PCID2: variants seen among roughly 807,000 people sequenced by gnomAD.
PCID2 encodes PCI domain-containing protein 2.
Under a neutral mutation model 61.3 loss-of-function variants are expected in PCID2, and 41 were observed. That is an observed-to-expected ratio of 0.67 (90% CI 0.52 to 0.87). The LOEUF (loss-of-function observed/expected upper bound fraction) is 0.87, where lower values mean the gene tolerates loss of function less well. Ranked by LOEUF, PCID2 falls within the 40% of genes least tolerant of loss-of-function variation. The pLI, the probability that PCID2 is intolerant of heterozygous loss-of-function variation, is 0.00. For missense variants in PCID2, 392 were observed against 493.4 expected (o/e 0.79, Z 1.95); for synonymous variants, 187 against 177.8 (o/e 1.05, Z -0.41).
chr13:113,171,814 A>G, the PCID2 span: 2 of 1,613,536 alleles, frequency 1.2e-6, no homozygotes, highest in Middle Eastern at 3.3e-4. This position sits in a 1 kb window ranked among gnomAD's most constrained non-coding sequence, Gnocchi z 5.1. Context: ...GCGGCTGGGC[A>G]CGCAATGGCA....
In PCID2 at chr13:113,208,624, A is replaced by G. The variant is rs142022899; in HGVS notation, c.11T>C (p.Ile4Thr). The change falls in exon 1 of 14, where the codon ATT becomes ACT. Residue 4 changes from isoleucine to threonine, a missense_variant. Physicochemically the swap from Ile to Thr is moderately conservative, Grantham distance 89. Transcript: ENST00000337344. MAHITINQYLQQVY... is the reference protein window; with the variant it reads MAHTTINQYLQQVY... The stretch of plus-strand genomic sequence containing the variant: ...CTGCTGCAGGTACTGGTTAATGGTA[A>G]TGTGCGCCATGGGAGCGCCGCCGAA... The G allele has an allele frequency of 1.1e-5, 17 of 1,607,148 alleles. No individual in the cohort carries two copies. The African/African-American group carries it at 1.6e-4, about 15-fold the overall frequency.
chr13:113,175,523 T>A (rs1239836889), downstream of PCID2, among the ~76,000 whole-genome samples: 2 of 152,178 alleles, frequency 1.3e-5, no homozygotes, highest in African/African-American at 4.8e-5. Context: ...AAGATCAGAT[T>A]TCCGTACCCA....
At chr13:113,183,181 C>T (rs2037803058) in intron 9 of PCID2, among the ~76,000 whole-genome samples, 1 of 152,170 alleles carries the variant, frequency 6.6e-6, no homozygotes, top group Non-Finnish European at 1.5e-5. Context: ...GAGCATCACA[C>T]TCTCAATGGC....
chr13:113,178,877 C>G lies in PCID2; in HGVS notation c.1110+89G>C, dbSNP rs1033185288. On this transcript the variant is annotated intron_variant, in intron 13 of 13. Coordinates refer to ENST00000337344, the MANE Select transcript of PCID2 (RefSeq NM_001127202.4). ...AAAAAAAAAGCAGAAGGCCTTTTAA[C>G]AATTTTAACACCACCACACTGAAGC... is the stretch of plus-strand genomic sequence containing the variant. 5.1e-6 allele frequency: 7 copies of G among 1,366,942 alleles called. No individual in the cohort carries two copies. The African/African-American group carries it at 7.3e-5, about 14-fold the overall frequency. The allele number at this position is 1,366,942 out of a possible 1,614,324, so 84.7% of individuals were successfully genotyped here. A position where few individuals can be genotyped will look rare whatever the true frequency, so the allele number is the denominator to read the frequency against.
At chr13:113,191,053 C>T in intron 6 of PCID2, 78 bp from the exon 7 acceptor site, 7 of 916,862 alleles carry the variant, frequency 7.6e-6, no homozygotes, top group Non-Finnish European at 1.0e-5. Context: ...ACTGCAGTGG[C>T]ACAATCACAC....
chr13:113,185,368 C>T (rs563679567), intron 8 of PCID2, 117 bp downstream of exon 8: 50 of 737,422 alleles, frequency 6.8e-5, no homozygotes, highest in East Asian at 4.0e-4. Flanking sequence ...ACTAGGAATA[C>T]GGTTATGATC....
downstream of PCID2, among the ~76,000 whole-genome samples, chr13:113,176,691 A>C (rs371269344): frequency 1.5e-4 from 23 of 151,568 alleles, 1 homozygote; most frequent in East Asian, 2.7e-3. Flanking sequence ...TGAGTCTCGG[A>C]GGTCGAGGCT....
downstream of PCID2, among the ~76,000 whole-genome samples, chr13:113,176,486 G>C: frequency 6.6e-6 from 1 of 152,310 alleles, no homozygotes; most frequent in Non-Finnish European, 1.5e-5. Flanking sequence ...AGAGAGCCGG[G>C]TGTGGTGGCA....
the PCID2 span, chr13:113,170,554 T>C: frequency 2.6e-3 from 3,585 of 1,373,822 alleles, 15 homozygotes; most frequent in Middle Eastern, 3.5e-3. Flanking sequence ...CATGAGTTTT[T>C]ATAAAACCAC....
Position 113,198,243 on chromosome 13 carries a change from A to C in PCID2, c.148T>G (p.Cys50Gly). ...TAAGGGGGTTCCAAGACTTGTTGACACTTCTCCTCTGGAGAGGCCATCTGA... is the reference window on the plus strand; with the variant it reads ...TAAGGGGGTTCCAAGACTTGTTGACCCTTCTCCTCTGGAGAGGCCATCTGA... ...RLQMASPEEKCQQVLEPPYDE... is the reference protein window; with the variant it reads ...RLQMASPEEKGQQVLEPPYDE... The change falls in exon 3 of 14, where the codon TGT (cysteine) becomes GGT (glycine). Residue 50 changes from cysteine to glycine, a missense_variant. Physicochemically the swap from Cys to Gly is radical, Grantham distance 159 (BLOSUM62 -3). This residue lies in a region of PCID2 where 155 missense variants were observed against 164.9 expected (regional missense o/e 0.94). Transcript: ENST00000337344. The C allele has an allele frequency of 2.5e-6, 4 of 1,608,876 alleles. No individual in the cohort carries two copies. The highest frequency in any genetic ancestry group is 3.4e-6 in the Non-Finnish European group (4 of 1,177,640).
chr13:113,178,392 C>A, intron 13 of PCID2, 105 bp from the exon 14 acceptor site: 1 of 763,410 alleles, frequency 1.3e-6, no homozygotes, highest in Non-Finnish European at 2.3e-6. Context: ...TCCCCAAGAG[C>A]GGCACAGTTC....
chr13:113,190,967 T>C lies in PCID2; in HGVS notation c.372A>G (p.Gln124=), dbSNP rs2038563372. ...DLRVFANNAD[Q]QLVKKGKSKV... The stretch of plus-strand genomic sequence containing the variant: ...TGCTTTTTCCTTTCTTTACCAACTG[T>C]TGATCTGCCTAATAAAATATAAGAA... The change falls in exon 7 of 14, where the codon CAA becomes CAG. Residue 124 remains glutamine (Q), a synonymous_variant. Transcript: ENST00000337344. 6.2e-7 allele frequency: 1 copy of C among 1,607,700 alleles called. No homozygotes were observed. The highest frequency in any genetic ancestry group is 8.5e-7 in the Non-Finnish European group (1 of 1,174,394).
At chr13:113,188,438 T>C (rs1207893947) in intron 7 of PCID2, 3 of 152,272 alleles carry the variant, frequency 2.0e-5, no homozygotes, top group Non-Finnish European at 4.4e-5. Flanking sequence ...GGCTCCCCTC[T>C]TGGTTAAACC....
intron 1 of PCID2, among the ~76,000 whole-genome samples, chr13:113,205,168 T>C (rs1192081347): frequency 3.3e-5 from 5 of 152,226 alleles, no homozygotes; most frequent in African/African-American, 9.6e-5. Context: ...TATGAAGAAC[T>C]ACTGAAGATT....
At chr13:113,170,806 T>C in the PCID2 span, among the ~76,000 whole-genome samples, 7 of 152,138 alleles carry the variant, frequency 4.6e-5, no homozygotes, top group South Asian at 1.2e-3. Context: ...AATTGAGCAG[T>C]TGTGGCATAA....
At chr13:113,188,950 T>A (rs1387670579) in intron 7 of PCID2, among the ~76,000 whole-genome samples, 1 of 152,170 alleles carries the variant, frequency 6.6e-6, no homozygotes, top group Non-Finnish European at 1.5e-5. Flanking sequence ...ATGGTTTGGA[T>A]GTGGTTTTTT....
At chr13:113,194,897 C>T (rs545647423) in intron 6 of PCID2, among the ~76,000 whole-genome samples, 174 bp downstream of exon 6, 27 of 152,330 alleles carry the variant, frequency 1.8e-4, no homozygotes, top group African/African-American at 5.8e-4. Context: ...TTATATAAAT[C>T]TGTTGGTGTT....
chr13:113,168,832 G>A, the PCID2 span, among the ~76,000 whole-genome samples: 1 of 152,112 alleles, frequency 6.6e-6, no homozygotes, highest in Admixed American at 6.5e-5. Context: ...GGGTTCAGGT[G>A]ATCCTCCCAC....
chr13:113,189,717 A>AG (rs1042388124), intron 7 of PCID2, among the ~76,000 whole-genome samples: 19 of 27,024 alleles, frequency 7.0e-4, no homozygotes, highest in African/African-American at 1.6e-3. Context: ...AATGAAGGAG[A>AG]GGAAAAAAAA....
Sources: gnomAD v4.1 joint callset for allele counts (sites outside exome capture counted in the v4.1 genomes callset) on GRCh38, gnomAD v4.1.1 for gene constraint, gnomAD v4.1.1 regional missense constraint, Gnocchi (gnomAD v3.1) non-coding constraint, MANE v1.5 for transcripts, NCBI Gene and HGNC (gene_info 2026-07-23, HGNC 2026-07-21) for gene names.